ZFP64: variants seen among roughly 807,000 people sequenced by gnomAD.
The protein encoded by ZFP64 is ZFP64 zinc finger protein, also known as zinc finger protein 64.
Under a neutral mutation model 51.6 loss-of-function variants are expected in ZFP64, and 14 were observed. That is an observed-to-expected ratio of 0.27 (90% CI 0.18 to 0.42). The LOEUF (loss-of-function observed/expected upper bound fraction) is 0.42. ZFP64 is among the 10% of genes least tolerant of loss of function. ZFP64 has a pLI of 1.00. For synonymous variants in ZFP64, 375 were observed against 361.4 expected, an observed-to-expected ratio of 1.04 and a Z score of -0.43; for missense variants, 754 against 906.8, an observed-to-expected ratio of 0.83 and a Z score of 2.16.
Position 52,160,169 on chromosome 20 carries a change from G to T in ZFP64, c.717C>A (p.Ala239=). 6.2e-7 allele frequency: 1 copy of T among 1,614,226 alleles called. No homozygotes were observed. Among genetic ancestry groups the T allele is most frequent in the Non-Finnish European group, 8.5e-7 (1 of 1,180,046 alleles). The change falls in exon 5 of 6, where the codon GCC becomes GCA. Residue 239 remains alanine (A), a synonymous_variant. Coordinates refer to ENST00000216923, the MANE Select transcript of ZFP64 (RefSeq NM_018197.3). This position sits in a 1 kb window ranked among gnomAD's most constrained non-coding sequence, Gnocchi z 4.2. The part of the protein sequence containing the change: ...RPFKCQICPY[A]SRNSSQLTVH... ...CAGTGAGCTGGCTGGAGTTGCGGCT[G>T]GCGTAGGGGCAGATCTGGCATTTGA...
chr20:52,137,991 C>G (rs1235665321), intron 5 of ZFP64, among the ~76,000 whole-genome samples: 2 of 151,388 alleles, frequency 1.3e-5, no homozygotes, highest in African/African-American at 2.4e-5. Flanking sequence ...GCCTGGGAAA[C>G]ACGGAAAAAC....
At chr20:52,123,630 TAC>T (rs1159524554) in intron 5 of ZFP64, among the ~76,000 whole-genome samples, 3 of 152,316 alleles carry the variant, frequency 2.0e-5, no homozygotes, top group African/African-American at 7.2e-5. Context: ...ATAATGCTAT[TAC>T]ACACTTAATA....
intron 5 of ZFP64, among the ~76,000 whole-genome samples, chr20:52,101,928 T>C (rs2079055002): frequency 8.9e-6 from 1 of 112,122 alleles, no homozygotes; most frequent in Non-Finnish European, 1.7e-5. Context: ...AACCTGTCTC[T>C]ACTAAAAATA....
chr20:52,098,329 G>T, intron 6 of ZFP64: 4 of 1,472,610 alleles, frequency 2.7e-6, no homozygotes, highest in Non-Finnish European at 3.7e-6. Context: ...ATACTGGCAT[G>T]TTGTCAGCAA....
intron 5 of ZFP64, among the ~76,000 whole-genome samples, chr20:52,157,314 G>C (rs1459400425): frequency 6.6e-6 from 1 of 152,210 alleles, no homozygotes; most frequent in Non-Finnish European, 1.5e-5. Flanking sequence ...CTGTGGGTAT[G>C]GCTTTTGGCA....
At chr20:52,102,605 G>A (rs776207558) in intron 5 of ZFP64, among the ~76,000 whole-genome samples, 5 of 152,160 alleles carry the variant, frequency 3.3e-5, no homozygotes, top group Non-Finnish European at 7.3e-5. Context: ...ACTCTTGAGG[G>A]TTTTAATTCC....
chr20:52,166,763 AATGTCCCTATAATTT>A (rs759986835), intron 2 of ZFP64, among the ~76,000 whole-genome samples: 93 of 152,290 alleles, frequency 6.1e-4, no homozygotes, highest in Non-Finnish European at 1.1e-3. Context: ...ATAAACAAGA[AATGTCCCTATAATTT>A]ATGTCCCTAT....
intron 5 of ZFP64, chr20:52,105,000 C>T (rs1442806269): frequency 1.8e-6 from 2 of 1,111,788 alleles, no homozygotes; most frequent in African/African-American, 1.6e-5. Context: ...AGGTCCGAGT[C>T]CCAGGACTCT....
rs1398676430 is a variant in ZFP64 at position 52,164,766 on chromosome 20, A to AAG, written c.449-10_449-9insCT. On this transcript the variant is annotated splice_polypyrimidine_tract_variant and intron_variant, in intron 3 of 5. Transcript: ENST00000216923. ...AGTCTTGAATTGGCAACCTAAAAAA[A>AAG]AAAAGGAAAGATTAATTACAAAGGA... The AAG allele has an allele frequency of 1.2e-6, 2 of 1,613,078 alleles. No individual in the cohort carries two copies. Among genetic ancestry groups the AAG allele is most frequent in the Admixed American group, 1.7e-5 (1 of 60,004 alleles).
At chr20:52,144,449 G>A (rs1247330325) in intron 5 of ZFP64, among the ~76,000 whole-genome samples, 1 of 151,066 alleles carries the variant, frequency 6.6e-6, no homozygotes, top group Non-Finnish European at 1.5e-5. Context: ...GTGTGGTAGC[G>A]TGCACCTGTA....
chr20:52,165,934 G>A lies in ZFP64; in HGVS notation c.378C>T (p.Leu126=). ...GCTTTTTGGTGCGTGACTTGGCAGG[G>A]AGAGAGATGACAGTGGCTGTCTGGT... ...NENQTATVIS[L]PAKSRTKKPT... Residue 126 remains leucine, a synonymous_variant, in exon 3 of 6, where the codon CTC becomes CTT. Transcript: ENST00000216923. 6.2e-7 allele frequency: 1 copy of A among 1,614,188 alleles called. No homozygotes were observed. Among genetic ancestry groups the A allele is most frequent in the South Asian group, 1.1e-5 (1 of 91,080 alleles).
chr20:52,133,443 A>G (rs188094103), intron 5 of ZFP64, among the ~76,000 whole-genome samples: 4 of 152,338 alleles, frequency 2.6e-5, no homozygotes, highest in African/African-American at 9.6e-5. Flanking sequence ...ATATGATCTT[A>G]TATTTGGAAA....
chr20:52,169,970 T>C (rs1467935907), intron 2 of ZFP64, among the ~76,000 whole-genome samples: 1 of 151,978 alleles, frequency 6.6e-6, no homozygotes, highest in Non-Finnish European at 1.5e-5. Flanking sequence ...GGAGAATCGC[T>C]TGAACCTGGG....
chr20:52,188,694 G>A (rs2123140724), intron 1 of ZFP64, among the ~76,000 whole-genome samples: 1 of 151,800 alleles, frequency 6.6e-6, no homozygotes, highest in South Asian at 2.1e-4. Context: ...GTAGTATTTG[G>A]CACTGTATTA....
chr20:52,126,758 T>G, intron 5 of ZFP64, among the ~76,000 whole-genome samples: 1 of 152,166 alleles, frequency 6.6e-6, no homozygotes, highest in East Asian at 1.9e-4. Flanking sequence ...CAACATCTTA[T>G]GCCTTTTATG....
Position 52,153,105 on chromosome 20 carries a change from G to A in ZFP64, c.1087C>T (p.Arg363Cys). The A allele has an allele frequency of 6.2e-7, 1 of 1,614,190 alleles. No individual in the cohort carries two copies. The highest frequency in any genetic ancestry group is 2.2e-5 in the East Asian group (1 of 44,878). Residue 363 changes from arginine (R) to cysteine (C), a missense_variant, in exon 6 of 6, where the codon CGT becomes TGT. Arg to Cys is a radical substitution (Grantham distance 180, BLOSUM62 -3). This residue lies in a region of ZFP64 where 428 missense variants were observed against 472.4 expected (regional missense o/e 0.91). Transcript: ENST00000216923. This position sits in a 1 kb window ranked among gnomAD's most constrained non-coding sequence, Gnocchi z 5.1. Reference protein sequence around the residue: ...SSKAALRIHERIHCTDRPFKC... With the variant: ...SSKAALRIHECIHCTDRPFKC... ...AAAGGGCGGTCGGTGCAGTGGATAC[G>A]CTCGTGGATGCGCAGGGCGGCCTTG...
chr20:52,177,981 G>A (rs554699090), intron 2 of ZFP64, among the ~76,000 whole-genome samples: 12 of 149,654 alleles, frequency 8.0e-5, no homozygotes, highest in Non-Finnish European at 1.5e-4. Context: ...GCAGTGAGCC[G>A]AGATTGCACC....
intron 2 of ZFP64, among the ~76,000 whole-genome samples, chr20:52,184,702 C>T (rs1983839054): frequency 6.6e-6 from 1 of 152,146 alleles, no homozygotes; most frequent in Admixed American, 6.5e-5. Flanking sequence ...TCATAGCTCA[C>T]TGCAGCCTCA....
chr20:52,086,209 T>C (rs2078862172), intron 8 of ZFP64, among the ~76,000 whole-genome samples: 1 of 152,238 alleles, frequency 6.6e-6, no homozygotes. Flanking sequence ...AAGCCAACTA[T>C]AAATAATTTA....
Sources: allele counts gnomAD v4.1 joint callset (sites outside exome capture counted in the v4.1 genomes callset), GRCh38; gene constraint gnomAD v4.1.1; regional missense constraint gnomAD v4.1.1; non-coding constraint Gnocchi (gnomAD v3.1); transcripts MANE v1.5; gene names NCBI Gene and HGNC (gene_info 2026-07-23, HGNC 2026-07-21).